Variants in KHDRBS2 observed in about 807,000 individuals in gnomAD.
The protein encoded by KHDRBS2 is KH domain-containing, RNA-binding, signal transduction-associated protein 2.
Under a neutral mutation model 44.3 loss-of-function variants are expected in KHDRBS2, and 26 were observed. That is an observed-to-expected ratio of 0.59 (90% CI 0.43 to 0.81). The LOEUF is 0.81. Among genes scored for constraint, KHDRBS2 ranks in the 40% least tolerant of loss-of-function variants. The pLI is 0.00. For synonymous variants in KHDRBS2, 194 were observed against 151.1 expected (o/e 1.28, Z -2.08); for missense variants, 476 against 433.1 (o/e 1.10, Z -0.88).
chr6:61,574,353 T>A, the KHDRBS2 span: 23 of 1,527,570 alleles, frequency 1.5e-5, no homozygotes, highest in Non-Finnish European at 2.0e-5. Context: ...TTCAGCTGTC[T>A]CTTACTTTCA....
intron 1 of KHDRBS2, among the ~76,000 whole-genome samples, chr6:62,283,962 C>A (rs1281071441): frequency 6.6e-6 from 1 of 151,966 alleles, no homozygotes; most frequent in Non-Finnish European, 1.5e-5. Context: ...AGATGTTTTT[C>A]TCTATTTAGG....
intron 2 of KHDRBS2, among the ~76,000 whole-genome samples, chr6:62,056,856 T>C (rs1254942368): frequency 6.6e-6 from 1 of 152,010 alleles, no homozygotes; most frequent in East Asian, 1.9e-4. Flanking sequence ...TATGTGGTAC[T>C]TACTTTCAGA....
chr6:62,061,382 C>T (rs537056247), intron 2 of KHDRBS2, among the ~76,000 whole-genome samples: 2 of 151,724 alleles, frequency 1.3e-5, no homozygotes, highest in Admixed American at 6.6e-5. Flanking sequence ...GTGACAAAAT[C>T]TCTCAGCATT....
intron 6 of KHDRBS2, among the ~76,000 whole-genome samples, chr6:61,818,335 G>A (rs1166748907): frequency 4.0e-5 from 6 of 149,696 alleles, no homozygotes; most frequent in East Asian, 3.9e-4. Flanking sequence ...GAAAAAAGAC[G>A]TTAGGGACTC....
intron 2 of KHDRBS2, among the ~76,000 whole-genome samples, chr6:62,070,332 C>T (rs1332827251): frequency 3.1e-5 from 3 of 97,110 alleles, no homozygotes; most frequent in Admixed American, 2.9e-4. Flanking sequence ...AAAGTGTTCA[C>T]TTCTTTTTTT....
At chr6:62,025,184 T>A (rs1274014073) in intron 3 of KHDRBS2, among the ~76,000 whole-genome samples, 1 of 151,776 alleles carries the variant, frequency 6.6e-6, no homozygotes, top group African/African-American at 2.4e-5. Context: ...TTTATCCTTT[T>A]CCAGCCAAAG....
At chr6:61,653,173 G>A in the KHDRBS2 span, among the ~76,000 whole-genome samples, 1 of 152,068 alleles carries the variant, frequency 6.6e-6, no homozygotes, top group Non-Finnish European at 1.5e-5. Flanking sequence ...CAAACACAGA[G>A]AGAGGATGCA....
intron 6 of KHDRBS2, among the ~76,000 whole-genome samples, chr6:61,810,771 A>C (rs1197099665): frequency 6.6e-5 from 10 of 152,260 alleles, no homozygotes; most frequent in Admixed American, 5.2e-4. Flanking sequence ...ATCTTTAATA[A>C]ATAAGAATAG....
At chr6:62,110,825 C>A (rs1804829512) in intron 2 of KHDRBS2, among the ~76,000 whole-genome samples, 4 of 151,830 alleles carry the variant, frequency 2.6e-5, no homozygotes, top group Admixed American at 6.6e-5. Flanking sequence ...CACTGATGTG[C>A]AAATATGTAA....
At chr6:61,953,693 C>A (rs574498366) in intron 4 of KHDRBS2, among the ~76,000 whole-genome samples, 1 of 152,092 alleles carries the variant, frequency 6.6e-6, no homozygotes, top group Non-Finnish European at 1.5e-5. Flanking sequence ...ATAAAAAGCA[C>A]ATGACCCACC....
chr6:62,264,126 A>C (rs1838809292), intron 1 of KHDRBS2, among the ~76,000 whole-genome samples: 1 of 151,804 alleles, frequency 6.6e-6, no homozygotes. Context: ...AAAAAGATGT[A>C]AACAATATAT....
intron 4 of KHDRBS2, among the ~76,000 whole-genome samples, chr6:61,954,409 G>A (rs1177504700): frequency 1.1e-5 from 1 of 88,444 alleles, no homozygotes; most frequent in African/African-American, 3.2e-5. Context: ...ATGTATGCAT[G>A]CATACATATA....
intron 6 of KHDRBS2, among the ~76,000 whole-genome samples, chr6:61,737,921 G>A (rs1728646949): frequency 6.6e-6 from 1 of 151,942 alleles, no homozygotes; most frequent in Admixed American, 6.6e-5. Context: ...GTAAAAATAT[G>A]CATTGTGCTG....
intron 4 of KHDRBS2, among the ~76,000 whole-genome samples, chr6:61,956,681 A>T (rs968179021): frequency 1.3e-5 from 2 of 151,958 alleles, no homozygotes; most frequent in African/African-American, 2.4e-5. Context: ...TTCTCTGCAC[A>T]CCCCTATATT....
chr6:61,865,407 T>C (rs535180852), intron 6 of KHDRBS2, among the ~76,000 whole-genome samples: 15 of 152,162 alleles, frequency 9.9e-5, no homozygotes, highest in Admixed American at 3.3e-4. Context: ...TCATGTCTTA[T>C]ATGGATAGCA....
At position 62,126,088 on chromosome 6, in the gene KHDRBS2, G is replaced by A. The variant is rs371716455; in HGVS notation, c.219+51097C>T. Among the ~76,000 whole-genome samples, 73 of 152,202 alleles carry A rather than the reference G, an allele frequency of 4.8e-4. No homozygotes were observed. In the East Asian group the frequency reaches 5.6e-3, roughly 12 times the overall value. ...TGGCTATTGGATGGCATTTCTGAAC[G>A]TGCCCTGGGCCAGCAGGGCACCTAC... On this transcript the variant is annotated intron_variant, in intron 2 of 8. Transcript: ENST00000281156.
chr6:62,238,465 C>A lies in KHDRBS2; in HGVS notation c.91+47393G>T, dbSNP rs1262189107. Among the ~76,000 whole-genome samples the A allele has an allele frequency of 2.0e-5, 3 of 152,016 alleles. No homozygotes were observed. The South Asian group carries it at 6.2e-4, about 32-fold the overall frequency. On this transcript the variant is annotated intron_variant, in intron 1 of 8. Coordinates refer to ENST00000281156, the MANE Select transcript of KHDRBS2 (RefSeq NM_152688.4). Reference sequence around the variant, plus strand: ...AAACATGCTATATTTAAAAGGATACCTATTTGTAAAATAAAACTATATTTT... The same window carrying A: ...AAACATGCTATATTTAAAAGGATACATATTTGTAAAATAAAACTATATTTT...
chr6:62,236,775 T>A (rs931010995), intron 1 of KHDRBS2, among the ~76,000 whole-genome samples: 7 of 152,250 alleles, frequency 4.6e-5, no homozygotes, highest in South Asian at 2.1e-4. Context: ...TAGGTATATT[T>A]CTATATTGAT....
At chr6:62,090,284 T>C (rs1179179336) in intron 2 of KHDRBS2, among the ~76,000 whole-genome samples, 2 of 152,200 alleles carry the variant, frequency 1.3e-5, no homozygotes, top group Non-Finnish European at 2.9e-5. Flanking sequence ...TATATTTTCA[T>C]TCACAGTTGC....
Sources: gnomAD v4.1 joint callset for allele counts (sites outside exome capture counted in the v4.1 genomes callset) on GRCh38, gnomAD v4.1.1 for gene constraint, MANE v1.5 for transcripts, NCBI Gene and HGNC (gene_info 2026-07-23, HGNC 2026-07-21) for gene names.